Variants in DCAKD observed in about 807,000 individuals in gnomAD.
DCAKD encodes the protein dephospho-CoA kinase domain containing.
DCAKD carries 15 observed loss-of-function variants against 18.7 expected under a neutral mutation model. That is an observed-to-expected ratio of 0.80 (90% CI 0.54 to 1.24). DCAKD has a LOEUF of 1.24. Among genes scored for constraint, DCAKD ranks in the 50% most tolerant of loss-of-function variants. The pLI, the probability that DCAKD is intolerant of heterozygous loss-of-function variation, is 0.00. For synonymous variants in DCAKD, 130 were observed against 133.0 expected (o/e 0.98, Z 0.16); for missense variants, 301 against 322.0 (o/e 0.93, Z 0.50).
In DCAKD at chr17:45,049,189, G is replaced by T. The variant is rs1018721728; in HGVS notation, c.-115+2172C>A. 2.0e-5 allele frequency among the ~76,000 whole-genome samples: 3 copies of T among 152,124 alleles called. No individual in the cohort carries two copies. The East Asian group carries it at 5.8e-4, about 29-fold the overall frequency. On this transcript the variant is annotated intron_variant, in intron 1 of 4. Coordinates refer to ENST00000651974, the MANE Select transcript of DCAKD (RefSeq NM_001288655.2). ...ATGGTGGCTTACACCTCTAATCCCA[G>T]CACTTTTGGAGGCTGAGATGCAAGG... is the stretch of plus-strand genomic sequence containing the variant.
At chr17:45,056,480 T>TA (rs2053780818), upstream of DCAKD, among the ~76,000 whole-genome samples, 2 of 147,052 alleles carry the variant, frequency 1.4e-5, no homozygotes, top group Non-Finnish European at 3.0e-5. Context: ...TTATATATAT[T>TA]TTTTTTTTCC....
chr17:45,048,511 C>T (rs1373203320), intron 1 of DCAKD, among the ~76,000 whole-genome samples: 4 of 152,146 alleles, frequency 2.6e-5, no homozygotes, highest in Non-Finnish European at 4.4e-5. Context: ...GTGGTACATG[C>T]CCATAGTCCC....
Position 45,034,889 on chromosome 17 carries a change from C to T in DCAKD, c.-4G>A. ...CTGTCAGGCCCACCAGAAACATCTTCCAGGAAAGAGAGCTGTCCGCGAGAC... is the reference window on the plus strand; with the variant it reads ...CTGTCAGGCCCACCAGAAACATCTTTCAGGAAAGAGAGCTGTCCGCGAGAC... On this transcript the variant is annotated 5_prime_UTR_variant, in exon 2 of 5. Transcript: ENST00000651974. 1 of 1,614,084 alleles carries T rather than the reference C, an allele frequency of 6.2e-7. No individual in the cohort carries two copies. Among genetic ancestry groups the T allele is most frequent in the Non-Finnish European group, 8.5e-7 (1 of 1,179,966 alleles).
intron 3 of DCAKD, chr17:45,033,912 C>A: frequency 1.4e-6 from 2 of 1,444,390 alleles, no homozygotes; most frequent in Non-Finnish European, 1.8e-6. Flanking sequence ...TTACTCCCAT[C>A]CCTACTAGAA....
chr17:45,056,438 C>A (rs983505608), upstream of DCAKD, among the ~76,000 whole-genome samples: 4 of 151,960 alleles, frequency 2.6e-5, no homozygotes, highest in Admixed American at 2.0e-4. Flanking sequence ...GGATTTAGAA[C>A]CCAGGGAGTC....
At chr17:45,051,007 A>AG (rs1476755327) in intron 1 of DCAKD, among the ~76,000 whole-genome samples, 3 of 152,328 alleles carry the variant, frequency 2.0e-5, no homozygotes, top group South Asian at 2.1e-4. Flanking sequence ...AGCGGAGGAG[A>AG]GGGGTCTGAA....
chr17:45,039,161 G>A (rs2053372387), intron 1 of DCAKD, among the ~76,000 whole-genome samples: 1 of 152,138 alleles, frequency 6.6e-6, no homozygotes. Flanking sequence ...GCAGCCCACG[G>A]TGCTCCCAAA....
chr17:45,028,590 A>G (rs2053107856), intron 4 of DCAKD, among the ~76,000 whole-genome samples: 1 of 150,648 alleles, frequency 6.6e-6, no homozygotes, highest in Non-Finnish European at 1.5e-5. Flanking sequence ...TTGTATTTTT[A>G]GTAGAGATGG....
At chr17:45,042,539 C>T (rs1387044902) in intron 1 of DCAKD, among the ~76,000 whole-genome samples, 4 of 152,246 alleles carry the variant, frequency 2.6e-5, no homozygotes, top group African/African-American at 4.8e-5. Flanking sequence ...GACAGAACTG[C>T]TTTCCTAAGG....
chr17:45,058,312 C>T (rs2053809177), intron 1 of DCAKD, among the ~76,000 whole-genome samples: 1 of 151,944 alleles, frequency 6.6e-6, no homozygotes. Flanking sequence ...GAGACAGTCT[C>T]AAAAATAATA....
In DCAKD at chr17:45,045,369, CCT is replaced by C. The variant is rs554906699; in HGVS notation, c.-115+5990_-115+5991del. Among the ~76,000 whole-genome samples the C allele has an allele frequency of 3.3e-5, 5 of 152,298 alleles. No homozygotes were observed. In the South Asian group the frequency reaches 8.3e-4, roughly 25 times the overall value. On this transcript the variant is annotated intron_variant, in intron 1 of 4. Coordinates refer to ENST00000651974, the MANE Select transcript of DCAKD (RefSeq NM_001288655.2). ...CTTTGTGTTGATATCTTGCAATCTG[CCT>C]CTCTCTAAATCTGGGTACTGCTGTA...
At chr17:45,049,295 T>C (rs2143371592) in intron 1 of DCAKD, among the ~76,000 whole-genome samples, 1 of 152,116 alleles carries the variant, frequency 6.6e-6, no homozygotes, top group Non-Finnish European at 1.5e-5. Flanking sequence ...ATCAGCCATA[T>C]GTGGTGACAG....
At chr17:45,029,856 G>C (rs527723213) in intron 4 of DCAKD, among the ~76,000 whole-genome samples, 6 of 152,070 alleles carry the variant, frequency 3.9e-5, no homozygotes, top group Admixed American at 3.9e-4. Context: ...AATGGTCAGC[G>C]GGGGAGCGCT....
At chr17:45,048,042 T>C (rs997235618) in intron 1 of DCAKD, among the ~76,000 whole-genome samples, 1 of 152,160 alleles carries the variant, frequency 6.6e-6, no homozygotes, top group African/African-American at 2.4e-5. Context: ...TAATTTTGTA[T>C]GTATTTTTGT....
chr17:45,028,113 CTTT>C (rs991822612), intron 4 of DCAKD, among the ~76,000 whole-genome samples: 1 of 142,856 alleles, frequency 7.0e-6, no homozygotes. Context: ...CTCTAAGATC[CTTT>C]TTTTTTTTTT....
intron 4 of DCAKD, among the ~76,000 whole-genome samples, chr17:45,025,768 T>C (rs1432697655): frequency 1.1e-3 from 92 of 86,176 alleles, no homozygotes; most frequent in African/African-American, 3.9e-3. Context: ...TTTTTTTTTT[T>C]CCTGAGACAG....
intron 1 of DCAKD, among the ~76,000 whole-genome samples, chr17:45,039,116 G>A (rs1440586363): frequency 2.0e-5 from 3 of 152,170 alleles, no homozygotes; most frequent in African/African-American, 4.8e-5. Flanking sequence ...ACTTGGCTGC[G>A]CACAGATCTA....
At chr17:45,052,706 A>C (rs962265873), upstream of DCAKD, among the ~76,000 whole-genome samples, 10 of 151,858 alleles carry the variant, frequency 6.6e-5, no homozygotes, top group South Asian at 4.2e-4. Context: ...AAAAAAAAAA[A>C]ACAAAAAACA....
chr17:45,056,934 AT>A (rs1326715532), intron 1 of DCAKD, among the ~76,000 whole-genome samples: 1 of 151,500 alleles, frequency 6.6e-6, no homozygotes, highest in East Asian at 1.9e-4. Flanking sequence ...CGTCTGGCTA[AT>A]TTTTTGTATT....
Sources: allele counts gnomAD v4.1 joint callset (sites outside exome capture counted in the v4.1 genomes callset), GRCh38; gene constraint gnomAD v4.1.1; transcripts MANE v1.5; gene names NCBI Gene and HGNC (gene_info 2026-07-23, HGNC 2026-07-21).